The following SLMAP variants were observed in gnomAD, a reference collection of about 807,000 sequenced individuals.
SLMAP encodes the protein sarcolemmal membrane-associated protein.
In SLMAP, 44 loss-of-function variants were observed where a neutral mutation model predicts 128.8. The observed-to-expected ratio is 0.34, with a 90% confidence interval of 0.27 to 0.44. The LOEUF (loss-of-function observed/expected upper bound fraction) is 0.44, where lower values mean the gene tolerates loss of function less well. Among genes scored for constraint, SLMAP ranks in the 20% least tolerant of loss-of-function variants. The pLI, the probability that SLMAP is intolerant of heterozygous loss-of-function variation, is 1.00. For missense variants in SLMAP, 787 were observed against 985.3 expected, an observed-to-expected ratio of 0.80 and a Z score of 2.69; for synonymous variants, 327 against 348.8, an observed-to-expected ratio of 0.94 and a Z score of 0.70.
At chr3:57,852,095 A>G (rs766668765) in intron 6 of SLMAP, among the ~76,000 whole-genome samples, 32 of 152,000 alleles carry the variant, frequency 2.1e-4, no homozygotes, top group Non-Finnish European at 3.8e-4. Flanking sequence ...TATTTTTAGT[A>G]GAGAGGAGGT....
At chr3:57,922,231 T>C (rs747019210) in intron 22 of SLMAP, among the ~76,000 whole-genome samples, 8 of 152,162 alleles carry the variant, frequency 5.3e-5, no homozygotes, top group Non-Finnish European at 1.2e-4. Context: ...CTTCCTAACA[T>C]TGGCTATGGA....
At chr3:57,757,926 G>C in intron 2 of SLMAP, 77 bp downstream of exon 2, 1 of 1,267,248 alleles carries the variant, frequency 7.9e-7, no homozygotes, top group Non-Finnish European at 1.1e-6. Flanking sequence ...GAGGACTAAT[G>C]TATGCAGGAT....
intron 14 of SLMAP, among the ~76,000 whole-genome samples, chr3:57,884,703 G>A (rs1186284280): frequency 6.6e-6 from 1 of 152,140 alleles, no homozygotes; most frequent in Non-Finnish European, 1.5e-5. Context: ...CAGCTACTTG[G>A]GAGGCTGAGG....
chr3:57,791,643 A>G (rs775055687), intron 2 of SLMAP, among the ~76,000 whole-genome samples: 5 of 152,238 alleles, frequency 3.3e-5, no homozygotes, highest in Non-Finnish European at 7.3e-5. Flanking sequence ...TCGATAAACT[A>G]TCAAATAAAT....
chr3:57,830,610 C>T (rs1373924525), intron 2 of SLMAP, among the ~76,000 whole-genome samples: 1 of 152,036 alleles, frequency 6.6e-6, no homozygotes, highest in Non-Finnish European at 1.5e-5. Context: ...TCCTGCTATC[C>T]TTTCTGTTTT....
At chr3:57,917,419 CA>C in intron 22 of SLMAP, 1 of 328,952 alleles carries the variant, frequency 3.0e-6, no homozygotes, top group Non-Finnish European at 5.6e-6. Flanking sequence ...TTTTGGAAAG[CA>C]AACTGAGGCC....
intron 24 of SLMAP, chr3:57,926,174 G>A (rs1175569796): frequency 4.1e-6 from 2 of 487,580 alleles, no homozygotes; most frequent in African/African-American, 4.0e-5. Flanking sequence ...CTAACCAGTT[G>A]TTAATATGCT....
intron 17 of SLMAP, among the ~76,000 whole-genome samples, chr3:57,906,318 T>TTTTTTTTTTTTG (rs2096558827): frequency 1.7e-5 from 2 of 120,168 alleles, no homozygotes; most frequent in African/African-American, 6.6e-5. Flanking sequence ...TTCTTTTTTT[T>TTTTTTTTTTTTG]TTTTTTTTTT....
At chr3:57,903,744 G>A (rs996179254) in intron 17 of SLMAP, among the ~76,000 whole-genome samples, 1 of 152,020 alleles carries the variant, frequency 6.6e-6, no homozygotes, top group Non-Finnish European at 1.5e-5. Flanking sequence ...GGAAAAAACA[G>A]ATTTACAACT....
chr3:57,878,931 A>G (rs1434791150), intron 14 of SLMAP, among the ~76,000 whole-genome samples: 1 of 152,240 alleles, frequency 6.6e-6, no homozygotes, highest in Non-Finnish European at 1.5e-5. Flanking sequence ...AGTTTGTTTC[A>G]GATCCCTAGG....
chr3:57,821,251 C>T (rs2092478469), intron 2 of SLMAP, among the ~76,000 whole-genome samples: 1 of 152,114 alleles, frequency 6.6e-6, no homozygotes, highest in African/African-American at 2.4e-5. Context: ...CTCCACTTTT[C>T]CTTGTGAGCT....
chr3:57,825,155 G>GT (rs1194359929), intron 2 of SLMAP, among the ~76,000 whole-genome samples: 1 of 150,814 alleles, frequency 6.6e-6, no homozygotes, highest in Non-Finnish European at 1.5e-5. Context: ...ATTCTATGGG[G>GT]TTTTCTATAT....
At chr3:57,911,812 G>A (rs12492169) in intron 19 of SLMAP, among the ~76,000 whole-genome samples, 24,185 of 151,470 alleles carry the variant, frequency 0.16, 2,461 homozygotes, top group East Asian at 0.43. Flanking sequence ...ATCAGAAAAG[G>A]CCTCTTTAAA....
At chr3:57,853,965 A>ATATAT (rs2094617561) in intron 6 of SLMAP, among the ~76,000 whole-genome samples, 1 of 78,324 alleles carries the variant, frequency 1.3e-5, no homozygotes, top group Non-Finnish European at 2.5e-5. Flanking sequence ...TTATATATAT[A>ATATAT]TATATATATA....
At chr3:57,860,911 CTTTAAACTTGGGTATTATTATATAG>C in intron 9 of SLMAP, 72 bp downstream of exon 9, 1 of 1,260,400 alleles carries the variant, frequency 7.9e-7, no homozygotes, top group Non-Finnish European at 1.1e-6. Context: ...TTCCAGGATA[CTTTAAACTTGGGTATTATTATATAG>C]TTAGGAAATA....
At chr3:57,925,815 A>G (rs2096997367) in intron 23 of SLMAP, 30 bp from the exon 24 acceptor site, 1 of 1,471,812 alleles carries the variant, frequency 6.8e-7, no homozygotes, top group Non-Finnish European at 9.3e-7. Flanking sequence ...CATAGCATAA[A>G]ATGATTTTAA....
At chr3:57,866,256 G>A (rs140257331) in intron 13 of SLMAP, among the ~76,000 whole-genome samples, 1 of 150,254 alleles carries the variant, frequency 6.7e-6, no homozygotes, top group African/African-American at 2.5e-5. Context: ...TGGGTGACGA[G>A]CAAGGCCCTG....
rs746630392 is a variant in SLMAP at position 57,879,963 on chromosome 3, T to A, written c.1300+8265T>A. Among the ~76,000 whole-genome samples, 311 of 146,036 alleles carry A rather than the reference T, an allele frequency of 2.1e-3. 2 individuals are homozygous for A. Among genetic ancestry groups the A allele is most frequent in the East Asian group, 7.9e-3 (39 of 4,962 alleles). On this transcript the variant is annotated intron_variant, in intron 14 of 24. Coordinates refer to ENST00000671191, the MANE Select transcript of SLMAP (RefSeq NM_001377540.1). The stretch of plus-strand genomic sequence containing the variant: ...AGACTCTGTCTCAAAAAAAAAAAAA[T>A]AAAAATAAAAAGCACACAGAATAGT...
chr3:57,915,864 A>G (rs1351351067), intron 21 of SLMAP, among the ~76,000 whole-genome samples: 1 of 152,152 alleles, frequency 6.6e-6, no homozygotes, highest in African/African-American at 2.4e-5. Flanking sequence ...ATCCAGTTAT[A>G]AAAGTGATCA....
Sources: gnomAD v4.1 joint callset for allele counts (sites outside exome capture counted in the v4.1 genomes callset) on GRCh38, gnomAD v4.1.1 for gene constraint, MANE v1.5 for transcripts, NCBI Gene and HGNC (gene_info 2026-07-23, HGNC 2026-07-21) for gene names.